CRB1: variants seen among roughly 807,000 people sequenced by gnomAD.
CRB1 encodes protein crumbs homolog 1.
In CRB1, 83 loss-of-function variants were observed where a neutral mutation model predicts 120.0. The ratio of observed to expected loss-of-function variants is 0.69; its 90% CI spans 0.58 to 0.83. CRB1 has a LOEUF of 0.83. Among genes scored for constraint, CRB1 ranks in the 40% least tolerant of loss-of-function variants. CRB1 has a pLI of 0.00. For missense variants in CRB1, 1,699 were observed against 1,687.6 expected (o/e 1.01, Z -0.12); for synonymous variants, 625 against 612.5 (o/e 1.02, Z -0.30).
At chr1:197,348,415 G>T (rs982712590) in intron 4 of CRB1, among the ~76,000 whole-genome samples, 2 of 152,130 alleles carry the variant, frequency 1.3e-5, no homozygotes, top group African/African-American at 4.8e-5. Context: ...TTTAATAAAA[G>T]GTTTAAAAGC....
chr1:197,205,978 A>G, the CRB1 span, among the ~76,000 whole-genome samples: 4 of 151,600 alleles, frequency 2.6e-5, no homozygotes, highest in Middle Eastern at 3.2e-3. Flanking sequence ...CCTGGTTTTA[A>G]CTGGGAGGGT....
rs561882928 is a variant in CRB1 at position 197,442,136 on chromosome 1, T to C, written c.3879-30T>C. 1.2e-5 allele frequency: 19 copies of C among 1,614,080 alleles called. No individual in the cohort carries two copies. The South Asian group carries it at 1.6e-4, about 14-fold the overall frequency. On this transcript the variant is annotated intron_variant, in intron 10 of 11. Transcript: ENST00000367400. The stretch of plus-strand genomic sequence containing the variant: ...ACAACCAATGTATTCAACAGGGACC[T>C]GGGTTTCTGCTGTTCTGTTTATTTT...
At chr1:197,365,496 G>C (rs886798955) in intron 5 of CRB1, among the ~76,000 whole-genome samples, 7 of 152,050 alleles carry the variant, frequency 4.6e-5, no homozygotes, top group African/African-American at 1.7e-4. Flanking sequence ...TGATGCCTCT[G>C]GGGAGGGGGG....
the CRB1 span, among the ~76,000 whole-genome samples, chr1:197,236,195 C>CTTTTTTTTTTTTTTT: frequency 8.8e-6 from 1 of 113,052 alleles, no homozygotes; most frequent in African/African-American, 3.3e-5. Context: ...CTTTTATTTC[C>CTTTTTTTTTTTTTTT]TTTTTTTTTT....
At chr1:197,269,247 C>A (rs762084216) in intron 1 of CRB1, among the ~76,000 whole-genome samples, 1 of 152,130 alleles carries the variant, frequency 6.6e-6, no homozygotes, top group African/African-American at 2.4e-5. Flanking sequence ...TCTGTTGAAT[C>A]TGAATATCAA....
the CRB1 span, among the ~76,000 whole-genome samples, chr1:197,204,682 T>A: frequency 6.6e-6 from 1 of 152,228 alleles, no homozygotes; most frequent in Non-Finnish European, 1.5e-5. Context: ...TAGTCCTTCA[T>A]CAGATGTAGA....
At chr1:197,348,564 C>T (rs1339870104) in intron 4 of CRB1, among the ~76,000 whole-genome samples, 1 of 152,160 alleles carries the variant, frequency 6.6e-6, no homozygotes, top group Non-Finnish European at 1.5e-5. Context: ...ATAAGCTCCG[C>T]CTCCCGGGTT....
chr1:197,474,902 C>T (rs377666215), intron 11 of CRB1, among the ~76,000 whole-genome samples: 6 of 152,176 alleles, frequency 3.9e-5, no homozygotes, highest in South Asian at 2.1e-4. Flanking sequence ...TTCATCTGCT[C>T]TTCTGTGTCC....
the CRB1 span, among the ~76,000 whole-genome samples, chr1:197,240,584 A>G: frequency 5.1e-4 from 78 of 152,234 alleles, 1 homozygote; most frequent in Non-Finnish European, 5.9e-4. Flanking sequence ...TCCATGGTGT[A>G]TATGTGCCAC....
At chr1:197,445,328 G>A (rs551402605) in intron 11 of CRB1, among the ~76,000 whole-genome samples, 46 of 152,222 alleles carry the variant, frequency 3.0e-4, no homozygotes, top group African/African-American at 9.1e-4. Context: ...TTTTGTGTGC[G>A]TACGTGGCAA....
At chr1:197,320,927 G>A (rs960412955) in intron 1 of CRB1, among the ~76,000 whole-genome samples, 5 of 152,216 alleles carry the variant, frequency 3.3e-5, no homozygotes, top group Admixed American at 3.3e-4. Context: ...TTTCTATTCA[G>A]TTAAGCTGCC....
chr1:197,469,919 T>G (rs1347391004), intron 11 of CRB1, among the ~76,000 whole-genome samples: 1 of 152,182 alleles, frequency 6.6e-6, no homozygotes, highest in Non-Finnish European at 1.5e-5. Flanking sequence ...TGCTCGTGTC[T>G]GGTTGGCTCC....
At position 197,328,431 on chromosome 1, in the gene CRB1, G is replaced by T. The variant is rs1460946384; in HGVS notation, c.80G>T (p.Cys27Phe). 6.2e-7 allele frequency: 1 copy of T among 1,611,618 alleles called. No homozygotes were observed. The highest frequency in any genetic ancestry group is 2.2e-5 in the East Asian group (1 of 44,856). The change falls in exon 2 of 12, where the codon TGC becomes TTC. Residue 27 changes from cysteine (C) to phenylalanine (F), a missense_variant. By Grantham distance (205) the Cys-to-Phe change is radical. Transcript: ENST00000367400. Reference protein sequence around the residue: ...SLLIYIKNSFCNKNNTRCLSN... With the variant: ...SLLIYIKNSFFNKNNTRCLSN... Reference sequence around the variant, plus strand: ...TTTTATTTCCTTGTAGATTCCTTTTGCAATAAAAACAACACCAGGTGCCTC... The same window carrying T: ...TTTTATTTCCTTGTAGATTCCTTTTTCAATAAAAACAACACCAGGTGCCTC...
intron 5 of CRB1, among the ~76,000 whole-genome samples, chr1:197,390,733 A>G (rs1298160486): frequency 6.6e-6 from 1 of 152,124 alleles, no homozygotes; most frequent in South Asian, 2.1e-4. Context: ...TGTAGCTAAA[A>G]TAGCAAATCA....
chr1:197,459,059 G>A (rs894396732), intron 11 of CRB1, among the ~76,000 whole-genome samples: 2 of 151,716 alleles, frequency 1.3e-5, no homozygotes, highest in African/African-American at 2.4e-5. Context: ...GTGATAGTGG[G>A]AAAAAAAAGT....
At chr1:197,264,965 T>C (rs183965935), upstream of CRB1, among the ~76,000 whole-genome samples, 29 of 152,136 alleles carry the variant, frequency 1.9e-4, no homozygotes, top group Admixed American at 2.6e-4. Flanking sequence ...TCTCAACCAG[T>C]TATTTTCTTT....
chr1:197,390,983 C>A (rs1662478342), intron 5 of CRB1, among the ~76,000 whole-genome samples: 2 of 151,970 alleles, frequency 1.3e-5, no homozygotes, highest in Non-Finnish European at 2.9e-5. Flanking sequence ...CTAAGGATTG[C>A]TGAAATACTT....
intron 1 of CRB1, among the ~76,000 whole-genome samples, chr1:197,279,555 C>G (rs1016893216): frequency 7.5e-6 from 1 of 133,698 alleles, no homozygotes; most frequent in African/African-American, 2.8e-5. Flanking sequence ...TTTTTTTTAA[C>G]AACCCCTCTA....
At chr1:197,254,095 G>A in the CRB1 span, among the ~76,000 whole-genome samples, 28 of 152,028 alleles carry the variant, frequency 1.8e-4, no homozygotes, top group African/African-American at 5.5e-4. Context: ...CCTTCTTTAC[G>A]GAGAGGCTAG....
Sources: allele counts gnomAD v4.1 joint callset (sites outside exome capture counted in the v4.1 genomes callset), GRCh38; gene constraint gnomAD v4.1.1; transcripts MANE v1.5; gene names NCBI Gene and HGNC (gene_info 2026-07-23, HGNC 2026-07-21).